The following MCF2L variants were observed in gnomAD, a reference collection of about 807,000 sequenced individuals.
MCF2L encodes the protein guanine nucleotide exchange factor DBS.
In MCF2L, 97 loss-of-function variants were observed where a neutral mutation model predicts 153.4. The ratio of observed to expected loss-of-function variants is 0.63; its 90% CI spans 0.54 to 0.75. MCF2L has a LOEUF of 0.75. MCF2L is among the 30% of genes least tolerant of loss of function. The pLI is 0.00. For synonymous variants in MCF2L, 659 were observed against 632.2 expected (o/e 1.04, Z -0.64); for missense variants, 1,347 against 1,495.2 (o/e 0.90, Z 1.64).
intron 2 of MCF2L, among the ~76,000 whole-genome samples, chr13:112,954,375 C>T (rs542934232): frequency 2.6e-5 from 4 of 152,198 alleles, no homozygotes; most frequent in African/African-American, 7.2e-5. Flanking sequence ...TTCCTGAAAC[C>T]TCGAGGAGGC....
intron 4 of MCF2L, among the ~76,000 whole-genome samples, chr13:113,056,508 A>C (rs1194455117): frequency 2.2e-5 from 2 of 90,516 alleles, no homozygotes; most frequent in Non-Finnish European, 4.4e-5. Context: ...TTCGGCGCTG[A>C]GTGGGTGCTG....
chr13:113,058,328 T>G (rs2030647034), intron 4 of MCF2L, among the ~76,000 whole-genome samples: 1 of 148,410 alleles, frequency 6.7e-6, no homozygotes, highest in Non-Finnish European at 1.5e-5. Flanking sequence ...ACTTTGTGTT[T>G]GGGTGCTGAG....
chr13:112,934,741 C>T (rs1471251133), intron 2 of MCF2L, among the ~76,000 whole-genome samples: 1 of 152,174 alleles, frequency 6.6e-6, no homozygotes, highest in Non-Finnish European at 1.5e-5. Flanking sequence ...GGCCCTTCCA[C>T]AGGCAGGTGG....
intron 2 of MCF2L, among the ~76,000 whole-genome samples, chr13:112,947,097 G>C (rs2081645433): frequency 6.6e-6 from 1 of 152,164 alleles, no homozygotes; most frequent in Non-Finnish European, 1.5e-5. Flanking sequence ...CCCAAGGCTG[G>C]GAAGTCCAAG....
chr13:113,045,348 TC>T lies in MCF2L; in HGVS notation c.358del (p.Leu120CysfsTer41). On this transcript the variant is annotated frameshift_variant, in exon 4 of 30. Coordinates refer to ENST00000535094, the MANE Select transcript of MCF2L (RefSeq NM_001112732.3). LOFTEE classifies it high-confidence loss of function. The surrounding 1 kb of genome is among the most constrained non-coding windows in gnomAD (Gnocchi z 4.2). ...AAATGGACCTCCGTGAAGGCGTCCG[TC>T]CTGCGCATCGCAGTAAGTGCCACCC... ...RDKWTSVKAS[V>X]LRIAASFPAN... 1 of 1,613,986 alleles carries T rather than the reference TC, an allele frequency of 6.2e-7. No individual in the cohort carries two copies. Among genetic ancestry groups the T allele is most frequent in the South Asian group, 1.1e-5 (1 of 91,090 alleles).
intron 1 of MCF2L, among the ~76,000 whole-genome samples, chr13:113,012,338 G>T (rs1329735490): frequency 1.6e-4 from 16 of 101,538 alleles, no homozygotes; most frequent in South Asian, 5.0e-4. Context: ...ACGGTGGACA[G>T]GCAGTGTGGA....
chr13:113,048,586 C>T (rs990031148), intron 4 of MCF2L, among the ~76,000 whole-genome samples: 7 of 152,082 alleles, frequency 4.6e-5, no homozygotes, highest in Non-Finnish European at 1.0e-4. Context: ...GGACTACAGG[C>T]ACCTGCCACC....
intron 20 of MCF2L, among the ~76,000 whole-genome samples, chr13:113,085,541 G>C (rs1445504521): frequency 1.3e-5 from 2 of 152,198 alleles, no homozygotes; most frequent in Admixed American, 1.3e-4. Flanking sequence ...TTTGCCATGT[G>C]GGTCCCTCTA....
At chr13:113,084,134 C>A in intron 18 of MCF2L, 67 bp downstream of exon 18, 1 of 1,276,648 alleles carries the variant, frequency 7.8e-7, no homozygotes, top group Non-Finnish European at 1.1e-6. Context: ...ACTTCAGATT[C>A]TACTGCAAGT....
At chr13:113,033,587 T>C (rs534607227) in intron 3 of MCF2L, among the ~76,000 whole-genome samples, 12 of 152,322 alleles carry the variant, frequency 7.9e-5, no homozygotes, top group Non-Finnish European at 5.9e-5. Flanking sequence ...GTCTGTGAGA[T>C]TGTGCCCTGT....
Position 113,089,647 on chromosome 13 carries a change from G to A in MCF2L, c.2872G>A (p.Glu958Lys), listed in dbSNP as rs2035006967. The A allele has an allele frequency of 1.2e-6, 2 of 1,613,814 alleles. No homozygotes were observed. ...AAACTCAAGGAACATCAAGAAGCTG[G>A]AAGAAAGGAAAACAGACCCCCTAAG... ...RGNSRNIKKL[E>K]ERKTDPLSLE... Residue 958 changes from glutamate (E) to lysine (K), a missense_variant, in exon 26 of 30, where the codon GAA becomes AAA. Around this residue, in one of 3 missense-constraint regions of MCF2L, gnomAD observed 383 missense variants for 335.4 expected, o/e 1.14. Coordinates refer to ENST00000535094, the MANE Select transcript of MCF2L (RefSeq NM_001112732.3).
Position 113,096,789 on chromosome 13 carries a change from C to A in MCF2L, c.3308C>A (p.Ser1103Ter). 2 of 1,567,324 alleles carry A rather than the reference C, an allele frequency of 1.3e-6. No homozygotes were observed. The highest frequency in any genetic ancestry group is 1.4e-5 in the African/African-American group (1 of 71,660). The change falls in exon 30 of 30, where the codon TCG becomes TAG. Residue 1103 changes from serine (S) to a stop codon, truncating the protein, a stop_gained. Transcript: ENST00000535094. LOFTEE classifies it high-confidence loss of function. Reference sequence around the variant, plus strand: ...CTCCCCGCAGAGTCGAGCCCGGGGTCGGCCGTGCTGAGCAACTCGTCCAGC... The same window carrying A: ...CTCCCCGCAGAGTCGAGCCCGGGGTAGGCCGTGCTGAGCAACTCGTCCAGC... Reference protein sequence around the residue: ...CLSSSESSPGSAVLSNSSSCS... With the variant: ...CLSSSESSPG
chr13:112,966,793 G>C (rs888893735), upstream of MCF2L, among the ~76,000 whole-genome samples: 1 of 152,206 alleles, frequency 6.6e-6, no homozygotes, highest in Admixed American at 6.5e-5. The surrounding 1 kb of genome is among the most constrained non-coding windows in gnomAD (Gnocchi z 4.1). Context: ...TTGCTTTTAA[G>C]ATGCAACAGA....
chr13:113,074,991 T>TC lies in MCF2L; in HGVS notation c.1117-5dup. The TC allele has an allele frequency of 6.3e-7, 1 of 1,594,112 alleles. No individual in the cohort carries two copies. The highest frequency in any genetic ancestry group is 8.6e-7 in the Non-Finnish European group (1 of 1,165,862). On this transcript the variant is annotated splice_region_variant and splice_polypyrimidine_tract_variant and intron_variant, in intron 10 of 29. Transcript: ENST00000535094. The surrounding 1 kb of genome is among the most constrained non-coding windows in gnomAD (Gnocchi z 4.2). ...CCTGAGCTGGTCCTCTGGGTGGCCG[T>TC]CCACAGGTGGCCGTGGAGAGGGCCC... is the stretch of plus-strand genomic sequence containing the variant.
chr13:112,966,501 A>G (rs1449255470), upstream of MCF2L, among the ~76,000 whole-genome samples: 2 of 152,336 alleles, frequency 1.3e-5, no homozygotes, highest in South Asian at 4.1e-4. The surrounding 1 kb of genome is among the most constrained non-coding windows in gnomAD (Gnocchi z 4.1). Context: ...TCATCTAAAC[A>G]TACCTTCACA....
At chr13:113,058,850 GTGTT>G (rs1026917223) in intron 4 of MCF2L, among the ~76,000 whole-genome samples, 5 of 151,506 alleles carry the variant, frequency 3.3e-5, no homozygotes, top group Admixed American at 6.6e-5. Context: ...TGGGTGCTGA[GTGTT>G]TGGGTGATGT....
At chr13:113,091,005 G>C (rs2035153517) in intron 26 of MCF2L, 1 of 1,257,426 alleles carries the variant, frequency 8.0e-7, no homozygotes, top group Non-Finnish European at 1.0e-6. Flanking sequence ...CGGTGGAAAG[G>C]GGCCACAACG....
chr13:113,048,437 C>CTTTT (rs35857164), intron 4 of MCF2L, among the ~76,000 whole-genome samples: 82 of 104,164 alleles, frequency 7.9e-4, no homozygotes, highest in Non-Finnish European at 1.1e-3. Context: ...AATTTACGGT[C>CTTTT]TTTTTTTTTT....
chr13:113,033,405 A>ACCCCGTGATGTGAGTGGC (rs1566773644), intron 3 of MCF2L, among the ~76,000 whole-genome samples: 1 of 16,348 alleles, frequency 6.1e-5, no homozygotes, highest in African/African-American at 2.7e-4. Context: ...ATGTGAGTGG[A>ACCCCGTGATGTGAGTGGC]CCCCGTGGCG....
Sources: allele counts gnomAD v4.1 joint callset (sites outside exome capture counted in the v4.1 genomes callset), GRCh38; gene constraint gnomAD v4.1.1; regional missense constraint gnomAD v4.1.1; non-coding constraint Gnocchi (gnomAD v3.1); transcripts MANE v1.5; gene names NCBI Gene and HGNC (gene_info 2026-07-23, HGNC 2026-07-21).